Variants in ARHGAP35 observed in about 807,000 individuals in gnomAD.
ARHGAP35 encodes the protein rho GTPase-activating protein 35.
ARHGAP35 carries 15 observed loss-of-function variants against 111.1 expected under a neutral mutation model. That is an observed-to-expected ratio of 0.13 (90% confidence interval 0.09 to 0.21). The LOEUF is 0.21. ARHGAP35 is among the 10% of genes least tolerant of loss of function. ARHGAP35 has a pLI of 1.00. For synonymous variants in ARHGAP35, 643 were observed against 710.3 expected (o/e 0.91, Z 1.51); for missense variants, 1,262 against 1,873.0 (o/e 0.67, Z 6.02).
intron 3 of ARHGAP35, among the ~76,000 whole-genome samples, chr19:46,971,860 G>A (rs2056551894): frequency 6.6e-6 from 1 of 152,098 alleles, no homozygotes; most frequent in Non-Finnish European, 1.5e-5. Context: ...TCTCACTTAT[G>A]TTTTTATGTG....
At chr19:46,917,875 A>G (rs1341525434) in intron 1 of ARHGAP35, among the ~76,000 whole-genome samples, 1 of 151,922 alleles carries the variant, frequency 6.6e-6, no homozygotes, top group Non-Finnish European at 1.5e-5. Flanking sequence ...CACCACACCC[A>G]GCTAATTTTT....
Position 46,920,503 on chromosome 19 carries a change from C to T in ARHGAP35, c.1828C>T (p.Arg610Ter). ...LVILGKDGLA[R>*]ELANEIRALC... The stretch of plus-strand genomic sequence containing the variant: ...TATATTGGGCAAAGACGGCCTTGCC[C>T]GAGAGTTGGCCAATGAGATTCGAGC... The change falls in exon 2 of 7, where the codon CGA becomes TGA. Residue 610 changes from arginine to a stop codon, truncating the protein, a stop_gained. Transcript: ENST00000672722. LOFTEE classifies it high-confidence loss of function. This position sits in a 1 kb window ranked among gnomAD's most constrained non-coding sequence, Gnocchi z 7.0. 6.2e-7 allele frequency: 1 copy of T among 1,613,902 alleles called. No individual in the cohort carries two copies. Among genetic ancestry groups the T allele is most frequent in the Non-Finnish European group, 8.5e-7 (1 of 1,179,834 alleles).
chr19:46,870,456 G>T (rs1342475042), intron 1 of ARHGAP35, among the ~76,000 whole-genome samples: 1 of 151,852 alleles, frequency 6.6e-6, no homozygotes, highest in African/African-American at 2.4e-5. Context: ...GCGGGCGCCT[G>T]TAGTCCCAGC....
rs567485708 is a variant in ARHGAP35, at chr19:46,898,581, T to C, written c.-188-19907T>C. ...GTTTTTATTTCCTCATTCTCTGTTA[T>C]TGTATCAGTTATTGTCCAATCAGGA... On this transcript the variant is annotated intron_variant, in intron 1 of 6. Coordinates refer to ENST00000672722, the MANE Select transcript of ARHGAP35 (RefSeq NM_004491.5). Among the ~76,000 whole-genome samples the C allele has an allele frequency of 2.0e-5, 3 of 152,368 alleles. No individual in the cohort carries two copies. The East Asian group carries it at 5.8e-4, about 29-fold the overall frequency.
intron 1 of ARHGAP35, among the ~76,000 whole-genome samples, chr19:46,906,404 A>G (rs1215753988): frequency 6.6e-6 from 1 of 152,214 alleles, no homozygotes; most frequent in Non-Finnish European, 1.5e-5. Flanking sequence ...TGCCAGTTCC[A>G]TCCAGGGCTC....
chr19:47,004,694 G>T lies in ARHGAP35; in HGVS notation c.*4006G>T, dbSNP rs2056766514. On this transcript the variant is annotated 3_prime_UTR_variant, in exon 7 of 7. Transcript: ENST00000672722. ...ATATTAATGGTATTGAAATGTGTTA[G>T]TAGTCTGGCTGTGTGCCCAAAATTC... The T allele has an allele frequency of 1.3e-5, 2 of 152,650 alleles. No homozygotes were observed. The highest frequency in any genetic ancestry group is 2.9e-5 in the Non-Finnish European group (2 of 68,048). 9.5% of individuals were successfully genotyped at this position (152,650 alleles called of 1,614,324 possible).
chr19:46,972,886 G>A (rs780125209), intron 3 of ARHGAP35, among the ~76,000 whole-genome samples: 1 of 152,298 alleles, frequency 6.6e-6, no homozygotes, highest in Admixed American at 6.5e-5. Flanking sequence ...CTTTACTGGA[G>A]TGAATTGAAG....
At chr19:46,942,756 C>T (rs2056355809) in intron 3 of ARHGAP35, among the ~76,000 whole-genome samples, 1 of 144,408 alleles carries the variant, frequency 6.9e-6, no homozygotes, top group Admixed American at 7.2e-5. Flanking sequence ...TCCAAGGCTG[C>T]ACTGAGCTCT....
intron 3 of ARHGAP35, among the ~76,000 whole-genome samples, chr19:46,987,497 G>A (rs1461138299): frequency 4.6e-5 from 7 of 152,112 alleles, no homozygotes; most frequent in Non-Finnish European, 1.0e-4. Context: ...TTACAGGCGT[G>A]AGCCACCGCT....
At chr19:46,969,975 G>C (rs1210978994) in intron 3 of ARHGAP35, among the ~76,000 whole-genome samples, 1 of 152,172 alleles carries the variant, frequency 6.6e-6, no homozygotes, top group Non-Finnish European at 1.5e-5. Context: ...TGGCTTCTCT[G>C]TTTCCCCTAC....
At chr19:46,863,700 G>T (rs2055841224) in intron 1 of ARHGAP35, among the ~76,000 whole-genome samples, 1 of 151,260 alleles carries the variant, frequency 6.6e-6, no homozygotes, top group Admixed American at 6.6e-5. Context: ...TCAATATATA[G>T]TTTTACCTCT....
rs202127837 is a variant in ARHGAP35 at position 46,919,752 on chromosome 19, C to T, written c.1077C>T (p.Asp359=). The T allele has an allele frequency of 1.4e-4, 227 of 1,614,020 alleles. No homozygotes were observed. Among genetic ancestry groups the T allele is most frequent in the Admixed American group, 3.3e-4 (20 of 60,022 alleles). The change falls in exon 2 of 7, where the codon GAC becomes GAT. Residue 359 remains aspartate, a synonymous_variant. Coordinates refer to ENST00000672722, the MANE Select transcript of ARHGAP35 (RefSeq NM_004491.5). This position sits in a 1 kb window ranked among gnomAD's most constrained non-coding sequence, Gnocchi z 6.2. ...EALIPNLDEI[D]HLSCIKAKKL... Reference sequence around the variant, plus strand: ...TTATACCTAATCTAGATGAAATAGACCACCTAAGCTGCATAAAAGCCAAAA... The same window carrying T: ...TTATACCTAATCTAGATGAAATAGATCACCTAAGCTGCATAAAAGCCAAAA...
At chr19:46,929,512 T>C (rs1006530033) in intron 2 of ARHGAP35, among the ~76,000 whole-genome samples, 1 of 152,080 alleles carries the variant, frequency 6.6e-6, no homozygotes, top group Non-Finnish European at 1.5e-5. Context: ...GCTCTGTGTA[T>C]TGATTTCACT....
At chr19:46,866,346 T>G (rs1292382739) in intron 1 of ARHGAP35, among the ~76,000 whole-genome samples, 1 of 152,188 alleles carries the variant, frequency 6.6e-6, no homozygotes, top group African/African-American at 2.4e-5. Context: ...TAGTCTAGCC[T>G]CCTCATTTAC....
intron 3 of ARHGAP35, chr19:46,947,657 G>A (rs750208420): frequency 2.0e-5 from 3 of 152,066 alleles, no homozygotes; most frequent in African/African-American, 4.8e-5. Flanking sequence ...GGTGTCCTCC[G>A]GTTCAATTCC....
intron 3 of ARHGAP35, among the ~76,000 whole-genome samples, chr19:46,946,228 C>T (rs1385503628): frequency 1.3e-5 from 2 of 152,188 alleles, no homozygotes; most frequent in Non-Finnish European, 2.9e-5. Context: ...CTGGGCACTC[C>T]GTCATATATG....
At chr19:46,978,018 C>T (rs760851769) in intron 3 of ARHGAP35, among the ~76,000 whole-genome samples, 4 of 152,164 alleles carry the variant, frequency 2.6e-5, no homozygotes, top group Non-Finnish European at 4.4e-5. Flanking sequence ...TGTTTAGTCA[C>T]AGAACAGAGG....
intron 1 of ARHGAP35, among the ~76,000 whole-genome samples, chr19:46,883,644 A>C (rs901547268): frequency 2.0e-5 from 3 of 152,216 alleles, no homozygotes; most frequent in African/African-American, 7.2e-5. Flanking sequence ...TGAAGTGAGC[A>C]TATGCTGTTG....
Position 46,921,925 on chromosome 19 carries a change from C to A in ARHGAP35, c.3250C>A (p.Pro1084Thr). Residue 1084 changes from proline to threonine, a missense_variant, in exon 2 of 7, where the codon CCT becomes ACT. This residue lies in a region of ARHGAP35 where 579 missense variants were observed against 716.9 expected (regional missense o/e 0.81). Coordinates refer to ENST00000672722, the MANE Select transcript of ARHGAP35 (RefSeq NM_004491.5). This position sits in a 1 kb window ranked among gnomAD's most constrained non-coding sequence, Gnocchi z 4.3. ...SPWLPQDGFD[P>T]SDYAEPMDAV... The stretch of plus-strand genomic sequence containing the variant: ...CTGGCTGCCTCAGGATGGGTTTGAT[C>A]CTTCTGACTATGCTGAACCCATGGA... 6.2e-7 allele frequency: 1 copy of A among 1,613,992 alleles called. No homozygotes were observed. The highest frequency in any genetic ancestry group is 8.5e-7 in the Non-Finnish European group (1 of 1,179,900).
Sources: gnomAD v4.1 joint callset for allele counts (sites outside exome capture counted in the v4.1 genomes callset) on GRCh38, gnomAD v4.1.1 for gene constraint, gnomAD v4.1.1 regional missense constraint, Gnocchi (gnomAD v3.1) non-coding constraint, MANE v1.5 for transcripts, NCBI Gene and HGNC (gene_info 2026-07-23, HGNC 2026-07-21) for gene names.